The following RBPJ variants were observed in gnomAD, a reference collection of about 807,000 sequenced individuals.
RBPJ encodes recombining binding protein suppressor of hairless.
RBPJ carries 9 observed loss-of-function variants against 67.8 expected under a neutral mutation model. The observed-to-expected ratio is 0.13, with a 90% confidence interval of 0.08 to 0.23. RBPJ has a LOEUF of 0.23. RBPJ is among the 10% of genes least tolerant of loss of function. The pLI is 1.00. For synonymous variants in RBPJ, 198 were observed against 203.3 expected (o/e 0.97, Z 0.22); for missense variants, 305 against 595.6 (o/e 0.51, Z 5.08).
chr4:26,163,495 T>G (rs936570961), exon 1 of RBPJ: 4 of 152,040 alleles, frequency 2.6e-5, no homozygotes, highest in African/African-American at 9.7e-5. Flanking sequence ...CCAGGCAAAG[T>G]GGCCACCAGA....
intron 1 of RBPJ, among the ~76,000 whole-genome samples, chr4:26,353,356 G>A (rs1727001259): frequency 6.6e-6 from 1 of 152,150 alleles, no homozygotes; most frequent in East Asian, 1.9e-4. Flanking sequence ...TGCATGCAGA[G>A]GCAGGTATTT....
At chr4:26,111,813 A>G in the RBPJ span, 1,304 of 159,814 alleles carry the variant, frequency 8.2e-3, 18 homozygotes, top group Non-Finnish European at 0.011. Flanking sequence ...TCTAAGCTCA[A>G]CACATATCAG....
At chr4:26,136,655 T>TATG in the RBPJ span, among the ~76,000 whole-genome samples, 3 of 152,304 alleles carry the variant, frequency 2.0e-5, no homozygotes, top group Admixed American at 2.0e-4. Flanking sequence ...AAAGAAAAGT[T>TATG]ATCATAACAG....
At chr4:26,221,172 C>G (rs1015816449) in intron 1 of RBPJ, among the ~76,000 whole-genome samples, 6 of 152,302 alleles carry the variant, frequency 3.9e-5, no homozygotes, top group African/African-American at 7.2e-5. Context: ...CTCACTGCAA[C>G]CTCCGCCTCC....
intron 1 of RBPJ, among the ~76,000 whole-genome samples, chr4:26,183,556 C>T (rs930044272): frequency 9.2e-5 from 14 of 152,196 alleles, no homozygotes; most frequent in African/African-American, 2.9e-4. Flanking sequence ...ATGCTCCCAA[C>T]TCAGACAACT....
At chr4:26,358,020 CGT>C (rs4069724) in intron 1 of RBPJ, among the ~76,000 whole-genome samples, 5,124 of 145,010 alleles carry the variant, frequency 0.035, 102 homozygotes, top group African/African-American at 0.064. Flanking sequence ...AGGGGGTATT[CGT>C]GTGTGTGTGT....
intron 1 of RBPJ, among the ~76,000 whole-genome samples, chr4:26,341,981 CT>C: frequency 6.6e-6 from 1 of 152,280 alleles, no homozygotes; most frequent in Middle Eastern, 3.4e-3. Flanking sequence ...CAAAACTAGG[CT>C]GCCCAAAGCA....
chr4:26,429,269 A>T (rs1366807521), intron 8 of RBPJ, among the ~76,000 whole-genome samples: 2 of 152,246 alleles, frequency 1.3e-5, no homozygotes, highest in African/African-American at 4.8e-5. Context: ...GAAGATAGTA[A>T]TGATGACATG....
At chr4:26,335,458 G>A (rs1157965498) in intron 1 of RBPJ, among the ~76,000 whole-genome samples, 1 of 151,854 alleles carries the variant, frequency 6.6e-6, no homozygotes, top group Non-Finnish European at 1.5e-5. Context: ...GGGATTACAG[G>A]CATGAGCCAC....
chr4:26,431,184 TAA>T lies in RBPJ; in HGVS notation c.*203_*204del, dbSNP rs897964346. On this transcript the variant is annotated 3_prime_UTR_variant, in exon 11 of 11. Coordinates refer to ENST00000355476, the MANE Select transcript of RBPJ (RefSeq NM_015874.6). The stretch of plus-strand genomic sequence containing the variant: ...CTGATTTGAAATGCAGAAGCCACAG[TAA>T]AAAAAAAAAAAAAAAAAAAAAAAAA... 0.011 allele frequency: 440 copies of T among 40,690 alleles called. 1 individual carries two copies. Among genetic ancestry groups the T allele is most frequent in the African/African-American group, 0.039 (346 of 8,842 alleles). The allele number at this position is 40,690 out of a possible 1,614,324, so 2.5% of individuals were successfully genotyped here.
At chr4:26,179,160 A>G (rs921838104) in intron 1 of RBPJ, among the ~76,000 whole-genome samples, 3 of 151,982 alleles carry the variant, frequency 2.0e-5, no homozygotes, top group African/African-American at 7.2e-5. Context: ...CTGGTAGCTG[A>G]TGACAGACTC....
chr4:26,395,102 G>T (rs1447580206), intron 2 of RBPJ, among the ~76,000 whole-genome samples: 1 of 152,096 alleles, frequency 6.6e-6, no homozygotes, highest in Non-Finnish European at 1.5e-5. Context: ...CTGAAATTCT[G>T]TTGGCTTGCT....
In RBPJ at chr4:26,406,325, A is replaced by G. The variant is rs555317277; in HGVS notation, c.155+55A>G. ...TTGTAGTTACCACATGAATTTGCCA[A>G]TTATGTATTAATATACATGTCAGAG... On this transcript the variant is annotated intron_variant, in intron 3 of 10. Transcript: ENST00000355476. The G allele has an allele frequency of 1.1e-5, 12 of 1,118,544 alleles. No homozygotes were observed. The East Asian group carries it at 2.6e-4, about 24-fold the overall frequency. 69.3% of individuals were successfully genotyped at this position (1,118,544 alleles called of 1,614,324 possible).
intron 4 of RBPJ, 51 bp downstream of exon 4, chr4:26,415,691 G>A: frequency 6.7e-7 from 1 of 1,488,894 alleles, no homozygotes; most frequent in Non-Finnish European, 9.0e-7. Context: ...GTACCAGAAT[G>A]TAGTTTTCAT....
chr4:26,348,559 T>C (rs1397989551), intron 1 of RBPJ, among the ~76,000 whole-genome samples: 1 of 152,204 alleles, frequency 6.6e-6, no homozygotes, highest in Non-Finnish European at 1.5e-5. Flanking sequence ...TACCCCAATA[T>C]ATGTGATTAT....
At chr4:26,160,640 C>T (rs114437519), upstream of RBPJ, among the ~76,000 whole-genome samples, 421 of 152,304 alleles carry the variant, frequency 2.8e-3, 1 homozygote, top group African/African-American at 9.3e-3. Context: ...GCTCTTCTCT[C>T]TGGTAAGGAG....
chr4:26,388,183 G>A (rs556363577), intron 2 of RBPJ, among the ~76,000 whole-genome samples: 299 of 152,048 alleles, frequency 2.0e-3, no homozygotes, highest in Non-Finnish European at 3.5e-3. Context: ...TTTTTGTAGA[G>A]ACAGGGTCTC....
chr4:26,354,031 C>T (rs1009346747), intron 1 of RBPJ, among the ~76,000 whole-genome samples: 57 of 148,080 alleles, frequency 3.8e-4, no homozygotes, highest in African/African-American at 1.3e-3. Context: ...CCCGGGTTCA[C>T]GCCATTCTCC....
At chr4:26,223,568 G>T (rs917827790) in intron 1 of RBPJ, among the ~76,000 whole-genome samples, 2 of 152,244 alleles carry the variant, frequency 1.3e-5, no homozygotes, top group African/African-American at 4.8e-5. Context: ...AAGCAGAGAA[G>T]AGTGAAGATT....
Sources: gnomAD v4.1 joint callset for allele counts (sites outside exome capture counted in the v4.1 genomes callset) on GRCh38, gnomAD v4.1.1 for gene constraint, MANE v1.5 for transcripts, NCBI Gene and HGNC (gene_info 2026-07-23, HGNC 2026-07-21) for gene names.